The following SUMF1 variants were observed in gnomAD, a reference collection of about 807,000 sequenced individuals.
SUMF1 encodes the protein formylglycine-generating enzyme.
A neutral mutation model predicts 47.6 loss-of-function variants in SUMF1; 48 were observed. That is an observed-to-expected ratio of 1.01 (90% CI 0.80 to 1.28). The LOEUF is 1.28. Among genes scored for constraint, SUMF1 ranks in the 50% most tolerant of loss-of-function variants. The pLI is 0.00. For synonymous variants in SUMF1, 230 were observed against 192.1 expected, an observed-to-expected ratio of 1.20 and a Z score of -1.63; for missense variants, 571 against 485.4, an observed-to-expected ratio of 1.18 and a Z score of -1.66.
chr3:4,414,223 T>G (rs564735526), intron 6 of SUMF1, among the ~76,000 whole-genome samples: 106 of 152,240 alleles, frequency 7.0e-4, no homozygotes, highest in African/African-American at 2.4e-3. Flanking sequence ...CCCAGCTACT[T>G]GGAAGGCTGG....
In SUMF1 at chr3:4,316,754, C is replaced by G. The variant is rs992053355; in HGVS notation, c.1014+59576G>C. 1.9e-6 allele frequency: 3 copies of G among 1,550,658 alleles called. No homozygotes were observed. The African/African-American group carries it at 4.1e-5, about 21-fold the overall frequency. On this transcript the variant is annotated intron_variant and NMD_transcript_variant, in intron 8 of 12. Transcript: ENST00000448413. The stretch of plus-strand genomic sequence containing the variant: ...ATCAAGAAGAAGCTCCAAAGCACTT[C>G]CCAAAGCCAATCTTGCACCCAAAAA...
intron 8 of SUMF1, among the ~76,000 whole-genome samples, chr3:4,261,656 A>G (rs1214641186): frequency 6.6e-6 from 1 of 152,230 alleles, no homozygotes; most frequent in Non-Finnish European, 1.5e-5. Flanking sequence ...TCACAGCTCA[A>G]TGGTCGCAGC....
chr3:4,060,049 G>A (rs2125027226), intron 9 of SUMF1, among the ~76,000 whole-genome samples: 2 of 152,276 alleles, frequency 1.3e-5, no homozygotes, highest in Middle Eastern at 6.8e-3. Context: ...CCAAGTGGAG[G>A]ATTTAGGTTA....
chr3:4,263,094 C>T (rs943335697), intron 8 of SUMF1, among the ~76,000 whole-genome samples: 4 of 152,068 alleles, frequency 2.6e-5, no homozygotes, highest in Middle Eastern at 3.4e-3. Context: ...AAAAGAAAAG[C>T]AATGCTTAGT....
intron 9 of SUMF1, among the ~76,000 whole-genome samples, chr3:4,042,325 T>C (rs986946838): frequency 5.3e-5 from 8 of 152,186 alleles, no homozygotes; most frequent in Admixed American, 1.3e-4. Context: ...AAGTTTTTTT[T>C]TGTTTGCTTG....
intron 8 of SUMF1, among the ~76,000 whole-genome samples, chr3:4,282,544 T>TA (rs1697551092): frequency 6.6e-6 from 1 of 152,186 alleles, no homozygotes; most frequent in African/African-American, 2.4e-5. Context: ...GAAAAATCCT[T>TA]ATGGTAACAT....
chr3:4,275,147 T>C (rs1367105383), intron 8 of SUMF1, among the ~76,000 whole-genome samples: 1 of 152,138 alleles, frequency 6.6e-6, no homozygotes, highest in Non-Finnish European at 1.5e-5. Context: ...CTGCCCTTGG[T>C]TGCGCTATGA....
At chr3:4,450,975 AG>A in intron 2 of SUMF1, among the ~76,000 whole-genome samples, 1 of 148,788 alleles carries the variant, frequency 6.7e-6, no homozygotes, top group African/African-American at 2.6e-5. Context: ...TTAAAAAAAC[AG>A]AGCATTTTGT....
chr3:4,116,315 A>G (rs886483226), intron 8 of SUMF1, among the ~76,000 whole-genome samples: 3 of 152,164 alleles, frequency 2.0e-5, no homozygotes. Flanking sequence ...AACGCAAGTA[A>G]GAACAATGAT....
Position 4,411,020 on chromosome 3 carries a change from T to C in SUMF1, c.841-42A>G, listed in dbSNP as rs1415205932. 4.6e-6 allele frequency: 7 copies of C among 1,525,966 alleles called. No homozygotes were observed. The Admixed American group carries it at 1.0e-4, about 22-fold the overall frequency. The allele number at this position is 1,525,966 out of a possible 1,614,324, so 94.5% of individuals were successfully genotyped here. ...GAAAAATGCTGTCAAACTATTCACCTGGTTTAAAAAACATCTTCAGTGCAG... is the reference window on the plus strand; with the variant it reads ...GAAAAATGCTGTCAAACTATTCACCCGGTTTAAAAAACATCTTCAGTGCAG... On this transcript the variant is annotated intron_variant, in intron 6 of 8. Coordinates refer to ENST00000272902, the MANE Select transcript of SUMF1 (RefSeq NM_182760.4).
intron 8 of SUMF1, among the ~76,000 whole-genome samples, chr3:4,162,957 G>A (rs1480996063): frequency 6.6e-6 from 1 of 151,854 alleles, no homozygotes; most frequent in African/African-American, 2.4e-5. Context: ...AATGTGGAAT[G>A]CTTCACAGAA....
intron 8 of SUMF1, among the ~76,000 whole-genome samples, chr3:4,325,693 G>T (rs915943264): frequency 3.3e-4 from 50 of 152,036 alleles, no homozygotes; most frequent in African/African-American, 1.1e-3. Flanking sequence ...AGTCTGGAGG[G>T]CTTTAAGGAA....
intron 8 of SUMF1, among the ~76,000 whole-genome samples, chr3:4,261,703 C>T (rs987884264): frequency 6.6e-6 from 1 of 152,196 alleles, no homozygotes; most frequent in African/African-American, 2.4e-5. Flanking sequence ...CATCAGATCT[C>T]AAGCCTGCTT....
At chr3:4,138,082 T>C (rs1423815437) in intron 8 of SUMF1, among the ~76,000 whole-genome samples, 4 of 151,990 alleles carry the variant, frequency 2.6e-5, no homozygotes, top group African/African-American at 4.8e-5. Context: ...AAAAATAAAA[T>C]ACTTAGGAAT....
At chr3:4,265,390 T>G (rs977148448) in intron 8 of SUMF1, among the ~76,000 whole-genome samples, 1 of 152,128 alleles carries the variant, frequency 6.6e-6, no homozygotes, top group Non-Finnish European at 1.5e-5. Flanking sequence ...TAATTTCAAG[T>G]GTGATTTGTC....
At chr3:4,461,264 T>A (rs1244582932) in intron 1 of SUMF1, among the ~76,000 whole-genome samples, 1 of 143,362 alleles carries the variant, frequency 7.0e-6, no homozygotes, top group African/African-American at 2.4e-5. Flanking sequence ...ATTCTCACTA[T>A]ACTCTAAGTG....
intron 9 of SUMF1, among the ~76,000 whole-genome samples, chr3:4,065,644 G>C (rs565181761): frequency 6.6e-6 from 1 of 152,096 alleles, no homozygotes; most frequent in East Asian, 1.9e-4. Flanking sequence ...AAATTTAAAA[G>C]GATTTGGCAG....
At chr3:4,196,446 T>G (rs1014628914) in intron 8 of SUMF1, among the ~76,000 whole-genome samples, 9 of 152,082 alleles carry the variant, frequency 5.9e-5, no homozygotes, top group Admixed American at 1.3e-4. Context: ...ACTGCAATTT[T>G]CTGGAAGGAG....
At position 4,157,600 on chromosome 3, in the gene SUMF1, G is replaced by T. The variant is rs139034651; in HGVS notation, c.1015-88855C>A. On this transcript the variant is annotated intron_variant and NMD_transcript_variant, in intron 8 of 12. Transcript: ENST00000448413. ...GACTTCTAGGTCATCCTGCTGTAAT[G>T]AGTCCATGGATTTCTTCTTCCCTGT... Among the ~76,000 whole-genome samples the T allele has an allele frequency of 6.5e-4, 98 of 151,580 alleles. 3 individuals are homozygous for T. The highest frequency in any genetic ancestry group is 2.3e-3 in the African/African-American group (94 of 41,008).
Sources: gnomAD v4.1 joint callset for allele counts (sites outside exome capture counted in the v4.1 genomes callset) on GRCh38, gnomAD v4.1.1 for gene constraint, MANE v1.5 for transcripts, NCBI Gene and HGNC (gene_info 2026-07-23, HGNC 2026-07-21) for gene names.